The following ZDHHC14 variants were observed in gnomAD, a reference collection of about 807,000 sequenced individuals.
ZDHHC14 encodes palmitoyltransferase ZDHHC14.
In ZDHHC14, 16 loss-of-function variants were observed where a neutral mutation model predicts 47.7. The ratio of observed to expected loss-of-function variants is 0.34; its 90% confidence interval spans 0.23 to 0.51. The LOEUF (loss-of-function observed/expected upper bound fraction) is 0.51. Among genes scored for constraint, ZDHHC14 ranks in the 20% least tolerant of loss-of-function variants. ZDHHC14 has a pLI of 0.97. For synonymous variants in ZDHHC14, 293 were observed against 278.9 expected, an observed-to-expected ratio of 1.05 and a Z score of -0.50; for missense variants, 515 against 662.5, an observed-to-expected ratio of 0.78 and a Z score of 2.44.
At position 157,583,364 on chromosome 6, in the gene ZDHHC14, A is replaced by G. The variant is rs535516722; in HGVS notation, c.407-9624A>G. 1.4e-3 allele frequency among the ~76,000 whole-genome samples: 206 copies of G among 152,132 alleles called. 1 individual carries two copies. The highest frequency in any genetic ancestry group is 4.8e-3 in the African/African-American group (201 of 41,510). ...GTGGGCTGGTGGTCCTTTAACTGTG[A>G]TGTAAGTTGAGTACAGTCAGTAGAC... On this transcript the variant is annotated intron_variant, in intron 2 of 8. Coordinates refer to ENST00000359775, the MANE Select transcript of ZDHHC14 (RefSeq NM_024630.3).
At chr6:157,543,554 T>A (rs143476009) in intron 2 of ZDHHC14, among the ~76,000 whole-genome samples, 1 of 152,236 alleles carries the variant, frequency 6.6e-6, no homozygotes. Context: ...CTATGGACTT[T>A]CCTTTGCAGC....
At chr6:157,414,048 T>C (rs1330493212) in intron 1 of ZDHHC14, among the ~76,000 whole-genome samples, 1 of 152,176 alleles carries the variant, frequency 6.6e-6, no homozygotes, top group Non-Finnish European at 1.5e-5. Flanking sequence ...GCGATTCTCC[T>C]GCCTCAGCCT....
chr6:157,435,876 G>A (rs1778431346), intron 1 of ZDHHC14, among the ~76,000 whole-genome samples: 1 of 152,186 alleles, frequency 6.6e-6, no homozygotes, highest in African/African-American at 2.4e-5. Flanking sequence ...CAAGGGCCTG[G>A]CAGCGTGGCA....
At chr6:157,660,952 C>T (rs1454007703) in intron 8 of ZDHHC14, among the ~76,000 whole-genome samples, 1 of 152,152 alleles carries the variant, frequency 6.6e-6, no homozygotes, top group Non-Finnish European at 1.5e-5. Context: ...TAGAATGTGA[C>T]AGACTGTTGG....
chr6:157,438,683 A>T (rs1407930840), intron 1 of ZDHHC14, among the ~76,000 whole-genome samples: 1 of 152,204 alleles, frequency 6.6e-6, no homozygotes, highest in Non-Finnish European at 1.5e-5. Context: ...TTTTCCTTCC[A>T]CTGTACCACA....
At chr6:157,613,597 G>A (rs193096045) in intron 3 of ZDHHC14, among the ~76,000 whole-genome samples, 29 of 152,256 alleles carry the variant, frequency 1.9e-4, no homozygotes, top group Admixed American at 1.8e-3. Context: ...CACACGATAG[G>A]CACCTGTTGG....
intron 2 of ZDHHC14, among the ~76,000 whole-genome samples, chr6:157,577,346 G>A (rs1460150289): frequency 6.6e-6 from 1 of 152,138 alleles, no homozygotes; most frequent in African/African-American, 2.4e-5. Flanking sequence ...TGTCCTTATG[G>A]TAGAATGATT....
At chr6:157,590,508 G>A (rs542067119) in intron 2 of ZDHHC14, among the ~76,000 whole-genome samples, 3 of 152,350 alleles carry the variant, frequency 2.0e-5, no homozygotes, top group Non-Finnish European at 2.9e-5. Flanking sequence ...TCCATGTGGT[G>A]TTGGTCCTGT....
Position 157,409,844 on chromosome 6 carries a change from G to C in ZDHHC14, c.245+27578G>C, listed in dbSNP as rs537160154. Among the ~76,000 whole-genome samples, 5 of 151,668 alleles carry C rather than the reference G, an allele frequency of 3.3e-5. No homozygotes were observed. In the South Asian group the frequency reaches 8.4e-4, roughly 25 times the overall value. On this transcript the variant is annotated intron_variant, in intron 1 of 8. Transcript: ENST00000359775. The stretch of plus-strand genomic sequence containing the variant: ...TATTTTATTATTTTATTTTTTGGGG[G>C]GGGGGACAGAGTCTTCTTCTGTCAC...
chr6:157,394,901 T>TA (rs950585462), intron 1 of ZDHHC14, among the ~76,000 whole-genome samples: 1 of 151,896 alleles, frequency 6.6e-6, no homozygotes, highest in Non-Finnish European at 1.5e-5. Flanking sequence ...TTGAGAATTT[T>TA]AAAAAAATGA....
At chr6:157,484,307 A>ACATATATATATACG (rs1562443829) in intron 1 of ZDHHC14, among the ~76,000 whole-genome samples, 4 of 114,286 alleles carry the variant, frequency 3.5e-5, no homozygotes, top group Admixed American at 1.0e-4. Context: ...ATATATATAC[A>ACATATATATATACG]TATATATACA....
intron 5 of ZDHHC14, among the ~76,000 whole-genome samples, chr6:157,642,098 A>C (rs1292685647): frequency 6.6e-6 from 1 of 152,220 alleles, no homozygotes; most frequent in African/African-American, 2.4e-5. Context: ...GAACTAAAAA[A>C]ATTTTAAAAC....
At chr6:157,426,491 G>C (rs1474708289) in intron 1 of ZDHHC14, among the ~76,000 whole-genome samples, 4 of 152,212 alleles carry the variant, frequency 2.6e-5, no homozygotes, top group African/African-American at 9.6e-5. Context: ...CCACTTCATG[G>C]AGCTGACTCG....
intron 4 of ZDHHC14, chr6:157,630,897 C>T (rs905870953): frequency 8.5e-6 from 1 of 117,836 alleles, no homozygotes; most frequent in Non-Finnish European, 1.8e-5. Context: ...CATCCTTACC[C>T]ACATTTACAC....
chr6:157,655,403 G>A (rs78118615), intron 8 of ZDHHC14, among the ~76,000 whole-genome samples: 7 of 152,160 alleles, frequency 4.6e-5, no homozygotes, highest in African/African-American at 1.2e-4. Flanking sequence ...CTAGCCTGGC[G>A]ACTCCAGTGC....
intron 1 of ZDHHC14, among the ~76,000 whole-genome samples, chr6:157,489,643 C>G (rs987846577): frequency 2.0e-5 from 3 of 152,218 alleles, no homozygotes; most frequent in Non-Finnish European, 4.4e-5. Context: ...CCCAGCCGCT[C>G]TCCACCAGGC....
intron 8 of ZDHHC14, among the ~76,000 whole-genome samples, chr6:157,661,064 G>A (rs1583091710): frequency 2.0e-5 from 3 of 152,222 alleles, no homozygotes. Flanking sequence ...TGGAAGGGAT[G>A]TTTCAAGCCA....
chr6:157,592,905 A>G, intron 2 of ZDHHC14, 83 bp from the exon 3 acceptor site: 3 of 1,511,656 alleles, frequency 2.0e-6, no homozygotes, highest in Non-Finnish European at 2.6e-6. Context: ...GCTGCCCTGG[A>G]GCTTACACTC....
intron 1 of ZDHHC14, among the ~76,000 whole-genome samples, chr6:157,411,946 C>CA (rs1223569162): frequency 1.4e-5 from 2 of 146,994 alleles, no homozygotes; most frequent in Non-Finnish European, 3.0e-5. Context: ...TATTTTATTT[C>CA]TTTTTTTTTT....
Sources: gnomAD v4.1 joint callset for allele counts (sites outside exome capture counted in the v4.1 genomes callset) on GRCh38, gnomAD v4.1.1 for gene constraint, MANE v1.5 for transcripts, NCBI Gene and HGNC (gene_info 2026-07-23, HGNC 2026-07-21) for gene names.